The following PAQR5 variants were observed in gnomAD, a reference collection of about 807,000 sequenced individuals.
PAQR5 encodes membrane progestin receptor gamma.
A neutral mutation model predicts 34.5 loss-of-function variants in PAQR5; 20 were observed. The observed-to-expected ratio is 0.58, with a 90% CI of 0.41 to 0.84. PAQR5 has a LOEUF of 0.84. PAQR5 is among the 40% of genes least tolerant of loss of function. The pLI, the probability that PAQR5 is intolerant of heterozygous loss-of-function variation, is 0.00. For synonymous variants in PAQR5, 131 were observed against 155.6 expected (o/e 0.84, Z 1.18); for missense variants, 378 against 412.7 (o/e 0.92, Z 0.73).
At chr15:69,317,305 G>T (rs2053976367) in intron 1 of PAQR5, among the ~76,000 whole-genome samples, 1 of 152,148 alleles carries the variant, frequency 6.6e-6, no homozygotes, top group Admixed American at 6.5e-5. Flanking sequence ...GCAGGCGGGG[G>T]CATCCACCCA....
chr15:69,303,034 A>G (rs986148405), intron 1 of PAQR5, among the ~76,000 whole-genome samples: 10 of 152,130 alleles, frequency 6.6e-5, no homozygotes, highest in African/African-American at 1.4e-4. Flanking sequence ...CTGTTAGAAT[A>G]GCAGCTCTGT....
chr15:69,380,126 C>T (rs1437057149), intron 4 of PAQR5, 116 bp downstream of exon 4: 3 of 1,171,752 alleles, frequency 2.6e-6, no homozygotes, highest in Non-Finnish European at 3.7e-6. Flanking sequence ...TTTGGGGATC[C>T]CCCGTGGGTA....
At chr15:69,349,968 G>C (rs1192285836) in intron 2 of PAQR5, among the ~76,000 whole-genome samples, 1 of 152,026 alleles carries the variant, frequency 6.6e-6, no homozygotes, top group Non-Finnish European at 1.5e-5. Flanking sequence ...CAGAGGAAGG[G>C]ATCCACAGGC....
intron 3 of PAQR5, among the ~76,000 whole-genome samples, chr15:69,369,257 T>G (rs2055487995): frequency 6.6e-6 from 1 of 152,158 alleles, no homozygotes; most frequent in African/African-American, 2.4e-5. Flanking sequence ...GAAATCCGGC[T>G]GGGTGTGGTG....
chr15:69,320,331 G>A (rs1370261088), intron 1 of PAQR5, among the ~76,000 whole-genome samples: 2 of 152,346 alleles, frequency 1.3e-5, no homozygotes, highest in Admixed American at 6.5e-5. Context: ...ACTGACGTGG[G>A]TCCCCTTCCC....
chr15:69,373,823 C>A (rs537168932), intron 3 of PAQR5, among the ~76,000 whole-genome samples: 1 of 152,212 alleles, frequency 6.6e-6, no homozygotes, highest in East Asian at 1.9e-4. Context: ...AGACTGGTCT[C>A]GAACTCCTGA....
At chr15:69,347,219 A>T (rs1401349041) in intron 2 of PAQR5, among the ~76,000 whole-genome samples, 2 of 152,318 alleles carry the variant, frequency 1.3e-5, no homozygotes, top group African/African-American at 4.8e-5. Context: ...ATGGCAAGAA[A>T]ACATGACACA....
intron 4 of PAQR5, among the ~76,000 whole-genome samples, chr15:69,384,316 G>A (rs1454755829): frequency 7.2e-6 from 1 of 139,706 alleles, no homozygotes; most frequent in Non-Finnish European, 1.6e-5. Context: ...CCGTGGGTGA[G>A]TGGGCCCTCC....
At chr15:69,344,042 C>G (rs1284084290) in intron 2 of PAQR5, among the ~76,000 whole-genome samples, 2 of 152,122 alleles carry the variant, frequency 1.3e-5, no homozygotes, top group African/African-American at 4.8e-5. Context: ...CCAAGTTGCC[C>G]AGGCTGGTTT....
At chr15:69,328,160 T>C (rs80095369) in intron 1 of PAQR5, among the ~76,000 whole-genome samples, 5,248 of 152,260 alleles carry the variant, frequency 0.034, 193 homozygotes, top group East Asian at 0.15. Context: ...AATGACAACA[T>C]TTGAAAGGAT....
chr15:69,330,435 G>C (rs912585112), intron 1 of PAQR5, among the ~76,000 whole-genome samples: 1 of 152,164 alleles, frequency 6.6e-6, no homozygotes, highest in Non-Finnish European at 1.5e-5. Flanking sequence ...TAGAAATTAT[G>C]GTTTAGGAGT....
chr15:69,370,050 A>G (rs1219956672), intron 3 of PAQR5, among the ~76,000 whole-genome samples: 1 of 152,210 alleles, frequency 6.6e-6, no homozygotes, highest in Non-Finnish European at 1.5e-5. Context: ...CAGACAGCAT[A>G]TTAATTGCAT....
chr15:69,325,510 T>C (rs1471335044), intron 1 of PAQR5, among the ~76,000 whole-genome samples: 1 of 152,188 alleles, frequency 6.6e-6, no homozygotes, highest in Non-Finnish European at 1.5e-5. Flanking sequence ...GATAGAACTG[T>C]TGTGTCTGCT....
At chr15:69,382,736 ATATATATATGTGTG>A (rs1452026176) in intron 4 of PAQR5, 4 of 142,082 alleles carry the variant, frequency 2.8e-5, no homozygotes, top group Non-Finnish European at 6.1e-5. Context: ...GTATATGTGT[ATATATATATGTGTG>A]TATATATATG....
At chr15:69,340,686 C>T (rs555601142) in intron 2 of PAQR5, among the ~76,000 whole-genome samples, 1 of 152,184 alleles carries the variant, frequency 6.6e-6, no homozygotes, top group Non-Finnish European at 1.5e-5. Context: ...GTCCTTCCAA[C>T]TCTAGGACCC....
intron 1 of PAQR5, among the ~76,000 whole-genome samples, chr15:69,299,866 G>T (rs749185489): frequency 6.6e-6 from 1 of 152,188 alleles, no homozygotes; most frequent in African/African-American, 2.4e-5. Context: ...AGAAGAGATG[G>T]GGAGAGGTCA....
intron 1 of PAQR5, among the ~76,000 whole-genome samples, chr15:69,331,625 C>T (rs1047273650): frequency 9.9e-5 from 15 of 152,040 alleles, no homozygotes; most frequent in African/African-American, 2.4e-4. Flanking sequence ...GCCTGTCTCT[C>T]GGGGTGACTA....
chr15:69,365,946 T>C (rs776568539), intron 3 of PAQR5, among the ~76,000 whole-genome samples: 21 of 152,222 alleles, frequency 1.4e-4, no homozygotes, highest in Non-Finnish European at 1.5e-5. Flanking sequence ...TATAACAGCC[T>C]AGTTGAGACA....
At chr15:69,355,165 ATCTCTC>A (rs111764681) in intron 2 of PAQR5, among the ~76,000 whole-genome samples, 3 of 145,092 alleles carry the variant, frequency 2.1e-5, no homozygotes, top group African/African-American at 2.5e-5. Context: ...CCTGTCACCC[ATCTCTC>A]TCTCTCTCTC....
Sources: allele counts gnomAD v4.1 joint callset (sites outside exome capture counted in the v4.1 genomes callset), GRCh38; gene constraint gnomAD v4.1.1; transcripts MANE v1.5; gene names NCBI Gene and HGNC (gene_info 2026-07-23, HGNC 2026-07-21).